The following SOX30 variants were observed in gnomAD, a reference collection of about 807,000 sequenced individuals.
SOX30 encodes transcription factor SOX-30.
A neutral mutation model predicts 58.6 loss-of-function variants in SOX30; 17 were observed. The ratio of observed to expected loss-of-function variants is 0.29; its 90% CI spans 0.20 to 0.44. The LOEUF is 0.44. SOX30 is among the 20% of genes least tolerant of loss of function. The pLI is 1.00. For synonymous variants in SOX30, 421 were observed against 400.2 expected, an observed-to-expected ratio of 1.05 and a Z score of -0.62; for missense variants, 951 against 965.8, an observed-to-expected ratio of 0.98 and a Z score of 0.20.
At chr5:157,644,318 T>C (rs540690193) in intron 3 of SOX30, among the ~76,000 whole-genome samples, 1 of 152,124 alleles carries the variant, frequency 6.6e-6, no homozygotes, top group African/African-American at 2.4e-5. Flanking sequence ...AAATAAGAGA[T>C]ATTGTAAAAA....
Position 157,638,672 on chromosome 5 carries a change from T to C in SOX30, c.1438A>G (p.Ser480Gly), listed in dbSNP as rs747021626. ...CTGGGCTGGAAAAGTGTGACAGGGC[T>C]TGGGCTCTGGACTGCAGGTGTGGGC... ...QLPTPAVQSP[S>G]PVTLFQPSVS... The change falls in exon 4 of 5, where the codon AGC (serine) becomes GGC (glycine). Residue 480 changes from serine to glycine, a missense_variant. Transcript: ENST00000265007. 1 of 1,614,110 alleles carries C rather than the reference T, an allele frequency of 6.2e-7. No individual in the cohort carries two copies. The highest frequency in any genetic ancestry group is 1.1e-5 in the South Asian group (1 of 91,070).
rs1478590574 is a variant in SOX30 at position 157,625,691 on chromosome 5, T to C, written c.*649A>G. ...AACATCCAACAAGAACAATTTTATC[T>C]ATGTTTATTTAATTACAACAAAGAA... On this transcript the variant is annotated 3_prime_UTR_variant, in exon 5 of 5. Coordinates refer to ENST00000265007, the MANE Select transcript of SOX30 (RefSeq NM_178424.2). 6.6e-6 allele frequency: 1 copy of C among 152,614 alleles called. No individual in the cohort carries two copies. The highest frequency in any genetic ancestry group is 1.5e-5 in the Non-Finnish European group (1 of 68,046). 9.5% of individuals were successfully genotyped at this position (152,614 alleles called of 1,614,324 possible).
exon 1 of SOX30, chr5:157,671,351 C>T (rs553289106): frequency 1.2e-5 from 6 of 517,844 alleles, no homozygotes; most frequent in Non-Finnish European, 2.0e-5. Context: ...TCTTCCAGAC[C>T]CGTCCGTCTT....
chr5:157,645,901 T>A (rs1053204881), intron 3 of SOX30, among the ~76,000 whole-genome samples: 22 of 151,572 alleles, frequency 1.5e-4, no homozygotes, highest in Non-Finnish European at 2.2e-4. Context: ...ATCCCTGTAA[T>A]CCCAGCTAGT....
chr5:157,631,051 A>ATATATATATATATATATTT (rs1758790175), intron 4 of SOX30, among the ~76,000 whole-genome samples: 3 of 40,702 alleles, frequency 7.4e-5, no homozygotes, highest in Non-Finnish European at 1.4e-4. Flanking sequence ...TATATTTTAT[A>ATATATATATATATATATTT]TATATATATA....
chr5:157,632,047 T>TAAAAAAAAAAAAAAAAAAAAAAAAAA lies in SOX30; in HGVS notation c.1881-5352_1881-5327dup, dbSNP rs570172679. Among the ~76,000 whole-genome samples, 41 of 56,406 alleles carry TAAAAAAAAAAAAAAAAAAAAAAAAAA rather than the reference T, an allele frequency of 7.3e-4. 2 individuals are homozygous for TAAAAAAAAAAAAAAAAAAAAAAAAAA. The highest frequency in any genetic ancestry group is 2.8e-3 in the African/African-American group (36 of 12,774). The allele number at this position is 56,406 out of a possible 152,430, so 37.0% of individuals were successfully genotyped here. Reference sequence around the variant, plus strand: ...GACACAGCAAGACCCACCCCGTAACTAAAAAAAAAAAAAAAAAAAAAAAAA... The same window carrying TAAAAAAAAAAAAAAAAAAAAAAAAAA: ...GACACAGCAAGACCCACCCCGTAACTAAAAAAAAAAAAAAAAAAAAAAAAAAAAAAAAAAAAAAAAAAAAAAAAAAA... On this transcript the variant is annotated intron_variant, in intron 4 of 4. Transcript: ENST00000265007.
rs1759347857 is a variant in SOX30 at position 157,651,714 on chromosome 5, C to G, written c.365G>C (p.Arg122Thr). The G allele has an allele frequency of 3.2e-6, 5 of 1,579,518 alleles. No homozygotes were observed. The highest frequency in any genetic ancestry group is 3.4e-6 in the Non-Finnish European group (4 of 1,164,808). The change falls in exon 1 of 5, where the codon AGG becomes ACG. Residue 122 changes from arginine (R) to threonine (T), a missense_variant. Coordinates refer to ENST00000265007, the MANE Select transcript of SOX30 (RefSeq NM_178424.2). ...GGGCTGCACCGGGTGCAACTCGGGC[C>G]TGGAGGTGGCGCCGTCTGACGCTGT... ...PPTASDGATS[R>T]PELHPVQPLA... is the part of the protein sequence containing the mutation.
chr5:157,666,478 GACACACACACAC>G (rs375835461), intron 2 of SOX30, among the ~76,000 whole-genome samples: 5,350 of 132,494 alleles, frequency 0.04, 322 homozygotes, highest in African/African-American at 0.14. Context: ...TAGTCCAGTA[GACACACACACAC>G]ACACACACAC....
intron 3 of SOX30, 118 bp from the exon 4 acceptor site, chr5:157,638,840 C>T (rs1561581389): frequency 2.1e-6 from 2 of 942,362 alleles, no homozygotes; most frequent in Admixed American, 2.6e-5. Flanking sequence ...CCTTACCTAA[C>T]TGCATCATCA....
chr5:157,638,771 T>C (rs747389751), intron 3 of SOX30, 49 bp from the exon 4 acceptor site: 10 of 1,526,300 alleles, frequency 6.6e-6, no homozygotes, highest in African/African-American at 1.4e-5. Flanking sequence ...AGTCATTCCA[T>C]GTTTTTCTTC....
intron 3 of SOX30, among the ~76,000 whole-genome samples, chr5:157,643,052 G>C (rs550406088): frequency 2.6e-5 from 4 of 151,940 alleles, no homozygotes; most frequent in African/African-American, 9.7e-5. Context: ...AATATAAATA[G>C]ATCTTAGATG....
chr5:157,656,890 G>T (rs538279351), upstream of SOX30, among the ~76,000 whole-genome samples: 86 of 152,216 alleles, frequency 5.6e-4, no homozygotes, highest in African/African-American at 1.9e-3. Flanking sequence ...AGTTAAAGGG[G>T]TATTCAGTTT....
chr5:157,628,643 CTTT>C (rs35972610), intron 4 of SOX30, among the ~76,000 whole-genome samples: 4 of 137,626 alleles, frequency 2.9e-5, no homozygotes, highest in Non-Finnish European at 4.7e-5. Context: ...CACTGTGCTT[CTTT>C]TTTTTTTTTT....
chr5:157,629,505 G>A (rs1758738702), intron 4 of SOX30, among the ~76,000 whole-genome samples: 1 of 152,142 alleles, frequency 6.6e-6, no homozygotes, highest in Admixed American at 6.5e-5. Context: ...AGACGAGTTC[G>A]TGTTATATTC....
In SOX30 at chr5:157,651,904, C is replaced by A; in HGVS notation, c.175G>T (p.Val59Leu). ...ACCGCGGGCTGTAAGCCGGACGCCACTGCCTCCCCGCACGACGAGGCCAAG... is the reference window on the plus strand; with the variant it reads ...ACCGCGGGCTGTAAGCCGGACGCCAATGCCTCCCCGCACGACGAGGCCAAG... ...ATLASSCGEA[V>L]ASGLQPAVRR... Residue 59 changes from valine to leucine, a missense_variant, in exon 1 of 5, where the codon GTG (valine) becomes TTG (leucine). Val to Leu is a conservative substitution (Grantham distance 32, BLOSUM62 1). Coordinates refer to ENST00000265007, the MANE Select transcript of SOX30 (RefSeq NM_178424.2). The A allele has an allele frequency of 6.6e-7, 1 of 1,525,826 alleles. No individual in the cohort carries two copies. Among genetic ancestry groups the A allele is most frequent in the Non-Finnish European group, 8.8e-7 (1 of 1,141,222 alleles). 94.5% of individuals were successfully genotyped at this position (1,525,826 alleles called of 1,614,324 possible).
intron 1 of SOX30, among the ~76,000 whole-genome samples, chr5:157,669,332 T>C (rs929293053): frequency 6.6e-6 from 1 of 151,886 alleles, no homozygotes; most frequent in Non-Finnish European, 1.5e-5. Flanking sequence ...TAGCTGGGAT[T>C]GTAGGCAGGC....
chr5:157,638,843 C>T (rs897932631), intron 3 of SOX30, 121 bp from the exon 4 acceptor site: 2 of 896,176 alleles, frequency 2.2e-6, no homozygotes, highest in Non-Finnish European at 3.3e-6. Flanking sequence ...TACCTAACTG[C>T]ATCATCATAT....
chr5:157,669,475 G>A (rs764239029), intron 1 of SOX30, among the ~76,000 whole-genome samples: 72 of 147,692 alleles, frequency 4.9e-4, no homozygotes, highest in South Asian at 8.6e-4. Context: ...GTGAGCCACC[G>A]CGCCCATCAA....
upstream of SOX30, among the ~76,000 whole-genome samples, chr5:157,653,762 C>T (rs1759416678): frequency 6.6e-6 from 1 of 152,210 alleles, no homozygotes; most frequent in South Asian, 2.1e-4. Flanking sequence ...ATTTATTGTC[C>T]AATCCTCTGG....
Sources: gnomAD v4.1 joint callset for allele counts (sites outside exome capture counted in the v4.1 genomes callset) on GRCh38, gnomAD v4.1.1 for gene constraint, MANE v1.5 for transcripts, NCBI Gene and HGNC (gene_info 2026-07-23, HGNC 2026-07-21) for gene names.